Variants in SLC9A1 observed in about 807,000 individuals in gnomAD.
SLC9A1 encodes the protein solute carrier family 9 member A1, also known as sodium/hydrogen exchanger 1.
In SLC9A1, 22 loss-of-function variants were observed where a neutral mutation model predicts 67.9. The ratio of observed to expected loss-of-function variants is 0.32; its 90% CI spans 0.23 to 0.46. SLC9A1 has a LOEUF of 0.46. Ranked by LOEUF, SLC9A1 falls within the 20% of genes least tolerant of loss-of-function variation. The pLI is 1.00. For missense variants in SLC9A1, 686 were observed against 1,094.8 expected, an observed-to-expected ratio of 0.63 and a Z score of 5.27; for synonymous variants, 421 against 471.8, an observed-to-expected ratio of 0.89 and a Z score of 1.40.
At chr1:27,133,560 T>A (rs1372212941) in intron 1 of SLC9A1, among the ~76,000 whole-genome samples, 1 of 151,676 alleles carries the variant, frequency 6.6e-6, no homozygotes. Context: ...GGGATGGGAG[T>A]GAGCCTGGTG....
Position 27,154,219 on chromosome 1 carries a change from A to T in SLC9A1, c.116T>A (p.Leu39His), listed in dbSNP as rs1400870566. 1 of 1,614,112 alleles carries T rather than the reference A, an allele frequency of 6.2e-7. No individual in the cohort carries two copies. Among genetic ancestry groups the T allele is most frequent in the Non-Finnish European group, 8.5e-7 (1 of 1,180,012 alleles). ...LPVLRSHGLQLSPTASTIRSS... is the reference protein window; with the variant it reads ...LPVLRSHGLQHSPTASTIRSS... ...TCGAATGGTGCTGGCAGTTGGGCTGAGCTGGAGGCCATGGCTCCTGAGAAC... is the reference window on the plus strand; with the variant it reads ...TCGAATGGTGCTGGCAGTTGGGCTGTGCTGGAGGCCATGGCTCCTGAGAAC... Residue 39 changes from leucine (L) to histidine (H), a missense_variant, in exon 1 of 12, where the codon CTC becomes CAC. Coordinates refer to ENST00000263980, the MANE Select transcript of SLC9A1 (RefSeq NM_003047.5).
chr1:27,108,884 C>A (rs955956211), intron 3 of SLC9A1, among the ~76,000 whole-genome samples: 1 of 152,186 alleles, frequency 6.6e-6, no homozygotes, highest in Non-Finnish European at 1.5e-5. Flanking sequence ...TGGCATCTGC[C>A]ATTACACAGG....
At chr1:27,117,424 C>T (rs183440514) in intron 1 of SLC9A1, among the ~76,000 whole-genome samples, 2 of 152,318 alleles carry the variant, frequency 1.3e-5, no homozygotes, top group East Asian at 3.9e-4. Flanking sequence ...TGGCTTCCAC[C>T]TCCACCTAAG....
chr1:27,100,593 G>A lies in SLC9A1; in HGVS notation c.2162C>T (p.Pro721Leu), dbSNP rs745617798. ...AGACTCGGGTGACTGCGGGGAAGCC[G>A]GGTCGATGGTGATGACAGGCAGGTC... ...KEDLPVITID[P>L]ASPQSPESVD... is the part of the protein sequence containing the mutation. The change falls in exon 12 of 12, where the codon CCG becomes CTG. Residue 721 changes from proline (P) to leucine (L), a missense_variant. Physicochemically the swap from Pro to Leu is moderately conservative, Grantham distance 98 (BLOSUM62 -3). This residue lies in a region of SLC9A1 where 226 missense variants were observed against 282.4 expected (regional missense o/e 0.80). Transcript: ENST00000263980. The surrounding 1 kb of genome is among the most constrained non-coding windows in gnomAD (Gnocchi z 5.6). 117 of 1,613,464 alleles carry A rather than the reference G, an allele frequency of 7.3e-5. No individual in the cohort carries two copies. The highest frequency in any genetic ancestry group is 6.6e-5 in the South Asian group (6 of 91,046).
In SLC9A1 at chr1:27,109,145, A is replaced by G. The variant is rs1186257349; in HGVS notation, c.1064+382T>C. Among the ~76,000 whole-genome samples the G allele has an allele frequency of 6.6e-6, 1 of 151,302 alleles. No homozygotes were observed. Among genetic ancestry groups the G allele is most frequent in the Non-Finnish European group, 1.5e-5 (1 of 67,828 alleles). On this transcript the variant is annotated intron_variant, in intron 3 of 11. Coordinates refer to ENST00000263980, the MANE Select transcript of SLC9A1 (RefSeq NM_003047.5). The surrounding 1 kb of genome is among the most constrained non-coding windows in gnomAD (Gnocchi z 5.5). The stretch of plus-strand genomic sequence containing the variant: ...GCCTCCTACTGGGGCTGCTGAGGGG[A>G]CTCCCTTTGAGACAATGAAGTAGCA...
At chr1:27,116,099 C>T (rs2083270610) in intron 1 of SLC9A1, among the ~76,000 whole-genome samples, 5 of 152,096 alleles carry the variant, frequency 3.3e-5, no homozygotes, top group Non-Finnish European at 5.9e-5. Context: ...GTAGCTCACG[C>T]CTGTAATCCC....
At chr1:27,136,263 C>A (rs545872269) in intron 1 of SLC9A1, among the ~76,000 whole-genome samples, 1 of 152,234 alleles carries the variant, frequency 6.6e-6, no homozygotes, top group South Asian at 2.1e-4. Context: ...AAGGGGACAG[C>A]AGCCAGGTCC....
chr1:27,125,598 CT>C (rs1361107858), intron 1 of SLC9A1, among the ~76,000 whole-genome samples: 3 of 145,944 alleles, frequency 2.1e-5, no homozygotes, highest in African/African-American at 7.6e-5. Context: ...AAGAGTGAAG[CT>C]TTTTTTTTCT....
In SLC9A1 at chr1:27,100,664, C is replaced by A; in HGVS notation, c.2111-20G>T. 1.9e-6 allele frequency: 3 copies of A among 1,581,086 alleles called. No individual in the cohort carries two copies. The highest frequency in any genetic ancestry group is 1.7e-6 in the Non-Finnish European group (2 of 1,162,004). On this transcript the variant is annotated intron_variant, in intron 11 of 11. Coordinates refer to ENST00000263980, the MANE Select transcript of SLC9A1 (RefSeq NM_003047.5). This position sits in a 1 kb window ranked among gnomAD's most constrained non-coding sequence, Gnocchi z 5.6. ...GTGGGTCTGGGGACCAAGAGCAAGG[C>A]ACAAGCTGGGTTCCGCTCTGGAGCC...
At chr1:27,107,548 A>G in intron 4 of SLC9A1, 100 bp downstream of exon 4, 1 of 873,628 alleles carries the variant, frequency 1.1e-6, no homozygotes. Context: ...GCCCTTCCAC[A>G]TAGTGCACTG....
chr1:27,110,876 G>A (rs1031319984), intron 2 of SLC9A1, among the ~76,000 whole-genome samples: 3 of 152,210 alleles, frequency 2.0e-5, no homozygotes, highest in African/African-American at 7.2e-5. Context: ...AGGCCTGGGG[G>A]AAGGGAGGGA....
chr1:27,124,333 G>A (rs977468030), intron 1 of SLC9A1, among the ~76,000 whole-genome samples: 1 of 152,176 alleles, frequency 6.6e-6, no homozygotes, highest in African/African-American at 2.4e-5. Context: ...AAAAAATTGA[G>A]TATACCAAAT....
chr1:27,132,987 TATC>T (rs1477279862), intron 1 of SLC9A1, among the ~76,000 whole-genome samples: 4 of 152,040 alleles, frequency 2.6e-5, no homozygotes, highest in Non-Finnish European at 4.4e-5. Flanking sequence ...ATGGAAATCT[TATC>T]ATGCCAAATG....
chr1:27,100,934 CGT>C lies in SLC9A1; in HGVS notation c.2110+267_2110+268del, dbSNP rs1300534865. On this transcript the variant is annotated intron_variant, in intron 11 of 11. Coordinates refer to ENST00000263980, the MANE Select transcript of SLC9A1 (RefSeq NM_003047.5). The surrounding 1 kb of genome is among the most constrained non-coding windows in gnomAD (Gnocchi z 5.6). ...GGGCCCTGCCCTCACGTTCCCCACA[CGT>C]GTTGGGGGTCTCGATGGGGCAGATA... is the stretch of plus-strand genomic sequence containing the variant. Among the ~76,000 whole-genome samples, 1 of 152,200 alleles carries C rather than the reference CGT, an allele frequency of 6.6e-6. No individual in the cohort carries two copies. Among genetic ancestry groups the C allele is most frequent in the Non-Finnish European group, 1.5e-5 (1 of 68,020 alleles).
chr1:27,141,295 C>T (rs983010558), intron 1 of SLC9A1, among the ~76,000 whole-genome samples: 4 of 152,188 alleles, frequency 2.6e-5, no homozygotes, highest in African/African-American at 9.7e-5. Context: ...GATTTGAACC[C>T]AGGTCTGTCA....
chr1:27,135,594 G>A lies in SLC9A1; in HGVS notation c.352+18389C>T, dbSNP rs78413821. 1.1e-4 allele frequency among the ~76,000 whole-genome samples: 16 copies of A among 145,756 alleles called. No homozygotes were observed. The East Asian group carries it at 2.8e-3, about 25-fold the overall frequency. ...CACCTGCTCTCTGAGTCAAAATTCA[G>A]TACTAAACACTTTACTGTCACAGAT... On this transcript the variant is annotated intron_variant, in intron 1 of 11. Transcript: ENST00000263980.
chr1:27,145,886 G>C (rs941567603), intron 1 of SLC9A1, among the ~76,000 whole-genome samples: 5 of 152,230 alleles, frequency 3.3e-5, no homozygotes, highest in African/African-American at 1.2e-4. Flanking sequence ...CATGATCCCA[G>C]GGAAGGCGGG....
chr1:27,146,853 C>T (rs948632362), intron 1 of SLC9A1, among the ~76,000 whole-genome samples: 6 of 152,232 alleles, frequency 3.9e-5, no homozygotes, highest in East Asian at 1.9e-4. Context: ...CACCAATTAC[C>T]GGACGGGTGC....
chr1:27,125,933 C>A (rs2083340842), intron 1 of SLC9A1, among the ~76,000 whole-genome samples: 1 of 152,118 alleles, frequency 6.6e-6, no homozygotes, highest in Admixed American at 6.5e-5. Context: ...TACTGAAAGG[C>A]AGGGACTACA....
Sources: allele counts gnomAD v4.1 joint callset (sites outside exome capture counted in the v4.1 genomes callset), GRCh38; gene constraint gnomAD v4.1.1; regional missense constraint gnomAD v4.1.1; non-coding constraint Gnocchi (gnomAD v3.1); transcripts MANE v1.5; gene names NCBI Gene and HGNC (gene_info 2026-07-23, HGNC 2026-07-21).